The following MAPK8 variants were observed in gnomAD, a reference collection of about 807,000 sequenced individuals.
The protein encoded by MAPK8 is mitogen-activated protein kinase 8.
In MAPK8, 13 loss-of-function variants were observed where a neutral mutation model predicts 52.9. The ratio of observed to expected loss-of-function variants is 0.25; its 90% CI spans 0.16 to 0.39. The LOEUF is 0.39. Ranked by LOEUF, MAPK8 falls within the 10% of genes least tolerant of loss-of-function variation. MAPK8 has a pLI of 1.00. For missense variants in MAPK8, 300 were observed against 519.2 expected, an observed-to-expected ratio of 0.58 and a Z score of 4.10; for synonymous variants, 191 against 169.8, an observed-to-expected ratio of 1.12 and a Z score of -0.97.
At chr10:48,318,771 A>G (rs1842729003) in intron 1 of MAPK8, among the ~76,000 whole-genome samples, 1 of 152,244 alleles carries the variant, frequency 6.6e-6, no homozygotes, top group Non-Finnish European at 1.5e-5. Flanking sequence ...ACTGTAAACC[A>G]GTTGTAATGT....
chr10:48,338,013 A>G (rs1441968427), intron 1 of MAPK8, among the ~76,000 whole-genome samples: 1 of 152,182 alleles, frequency 6.6e-6, no homozygotes, highest in Non-Finnish European at 1.5e-5. Context: ...ATTTTACTAG[A>G]TGTTGGTAGA....
intron 1 of MAPK8, among the ~76,000 whole-genome samples, chr10:48,359,279 C>A (rs949624353): frequency 6.6e-6 from 1 of 152,130 alleles, no homozygotes; most frequent in Non-Finnish European, 1.5e-5. Flanking sequence ...ACTGCACCAG[C>A]GGATCCACAG....
At chr10:48,318,906 G>A (rs56037570) in intron 1 of MAPK8, among the ~76,000 whole-genome samples, 14,471 of 152,244 alleles carry the variant, frequency 0.095, 720 homozygotes, top group Non-Finnish European at 0.11. Flanking sequence ...GGAATTAGGA[G>A]GATGAAGAAT....
chr10:48,424,206 C>G, intron 7 of MAPK8, 47 bp downstream of exon 7: 1 of 1,476,048 alleles, frequency 6.8e-7, no homozygotes, highest in Non-Finnish European at 9.5e-7. Flanking sequence ...CGATGAACTT[C>G]TTTATGTTCT....
intron 1 of MAPK8, among the ~76,000 whole-genome samples, chr10:48,387,144 G>C (rs922614018): frequency 3.3e-5 from 5 of 152,120 alleles, no homozygotes; most frequent in Non-Finnish European, 7.4e-5. Context: ...TACAAACCAG[G>C]CCTCTTTCTC....
intron 1 of MAPK8, among the ~76,000 whole-genome samples, chr10:48,348,391 A>G (rs761826754): frequency 6.6e-6 from 1 of 152,130 alleles, no homozygotes; most frequent in African/African-American, 2.4e-5. Flanking sequence ...CTTTAGTTTA[A>G]TTAGATCCCA....
At chr10:48,407,369 C>T (rs1416321021) in intron 3 of MAPK8, among the ~76,000 whole-genome samples, 1 of 152,144 alleles carries the variant, frequency 6.6e-6, no homozygotes, top group African/African-American at 2.4e-5. Flanking sequence ...TGTCTGGTTG[C>T]ATTTTTCTGA....
At chr10:48,311,791 T>A in intron 1 of MAPK8, among the ~76,000 whole-genome samples, 1 of 152,046 alleles carries the variant, frequency 6.6e-6, no homozygotes, top group South Asian at 2.1e-4. Flanking sequence ...AAGTCTTCTG[T>A]TTAGCGTTTC....
Position 48,401,795 on chromosome 10 carries a change from T to C in MAPK8, c.122+13T>C. The C allele has an allele frequency of 7.1e-7, 1 of 1,407,052 alleles. No individual in the cohort carries two copies. The highest frequency in any genetic ancestry group is 9.3e-7 in the Non-Finnish European group (1 of 1,075,438). 87.2% of individuals were successfully genotyped at this position (1,407,052 alleles called of 1,614,324 possible). On this transcript the variant is annotated intron_variant, in intron 2 of 11. Coordinates refer to ENST00000374189, the MANE Select transcript of MAPK8 (RefSeq NM_001323329.2). ...AAGGAATAGTATGGTAAGTGTTTAC[T>C]TCCAAAAATTAGGCAAAGAATCATT...
At chr10:48,397,181 C>T (rs2041929831) in intron 1 of MAPK8, among the ~76,000 whole-genome samples, 1 of 150,886 alleles carries the variant, frequency 6.6e-6, no homozygotes, top group South Asian at 2.1e-4. Flanking sequence ...GACAGTCTCA[C>T]TCTGTTGCCC....
At chr10:48,415,006 T>C (rs1437923051) in intron 5 of MAPK8, among the ~76,000 whole-genome samples, 3 of 152,210 alleles carry the variant, frequency 2.0e-5, no homozygotes, top group Admixed American at 6.5e-5. Flanking sequence ...AAGACAATTA[T>C]GTCTTAGGGC....
chr10:48,319,258 A>G lies in MAPK8; in HGVS notation c.-50+12437A>G, dbSNP rs922542842. Among the ~76,000 whole-genome samples, 7 of 152,376 alleles carry G rather than the reference A, an allele frequency of 4.6e-5. No homozygotes were observed. In the South Asian group the frequency reaches 6.2e-4, roughly 14 times the overall value. ...ACGGTTTTATTGAGATATAATTCAC[A>G]TACCATTATAGTTATCTATTTGAAA... On this transcript the variant is annotated intron_variant, in intron 1 of 11. Transcript: ENST00000374189.
chr10:48,346,082 G>T (rs2377349), intron 1 of MAPK8, among the ~76,000 whole-genome samples: 126,089 of 152,086 alleles, frequency 0.83, 52,783 homozygotes, highest in African/African-American at 0.96. Context: ...TATGAGTCCC[G>T]TCTTCCCTTC....
chr10:48,414,091 C>A (rs931321702), intron 5 of MAPK8, among the ~76,000 whole-genome samples: 4 of 151,630 alleles, frequency 2.6e-5, no homozygotes, highest in Admixed American at 2.6e-4. Context: ...TCACCTCTAG[C>A]CCTAAGCAAA....
intron 5 of MAPK8, 37 bp downstream of exon 5, chr10:48,410,205 C>A (rs772820117): frequency 2.3e-5 from 33 of 1,444,768 alleles, no homozygotes; most frequent in Non-Finnish European, 2.9e-5. Context: ...TCTTTGTTTT[C>A]TCATTGAGGT....
chr10:48,376,928 T>G (rs2040700152), intron 1 of MAPK8, among the ~76,000 whole-genome samples: 1 of 152,198 alleles, frequency 6.6e-6, no homozygotes. Context: ...GTATGTTTAT[T>G]GTGTCACTGT....
intron 6 of MAPK8, among the ~76,000 whole-genome samples, chr10:48,421,632 C>T (rs1384206668): frequency 1.3e-5 from 2 of 152,158 alleles, no homozygotes; most frequent in Admixed American, 1.3e-4. Context: ...TGGCAAAACC[C>T]TGTCTCTACT....
chr10:48,358,577 TAATA>T (rs1357441764), intron 1 of MAPK8, among the ~76,000 whole-genome samples: 2 of 152,220 alleles, frequency 1.3e-5, no homozygotes, highest in African/African-American at 4.8e-5. Flanking sequence ...TCCACTTTCT[TAATA>T]ATGTCCTCTG....
chr10:48,425,895 T>C lies in MAPK8; in HGVS notation c.696T>C (p.Asp232=). Residue 232 remains aspartate (D), a synonymous_variant, in exon 8 of 12, where the codon GAT becomes GAC. Coordinates refer to ENST00000374189, the MANE Select transcript of MAPK8 (RefSeq NM_001323329.2). ...KILFPGRDYI[D]QWNKVIEQLG... is the part of the protein sequence containing the mutation. ...TTAGCTACTTGATATTAGATATTGA[T>C]CAGTGGAATAAAGTTATTGAACAGC... is the stretch of plus-strand genomic sequence containing the variant. 1 of 1,596,566 alleles carries C rather than the reference T, an allele frequency of 6.3e-7. No homozygotes were observed. Among genetic ancestry groups the C allele is most frequent in the Non-Finnish European group, 8.5e-7 (1 of 1,169,630 alleles).
Sources: gnomAD v4.1 joint callset for allele counts (sites outside exome capture counted in the v4.1 genomes callset) on GRCh38, gnomAD v4.1.1 for gene constraint, MANE v1.5 for transcripts, NCBI Gene and HGNC (gene_info 2026-07-23, HGNC 2026-07-21) for gene names.